FLT4: variants seen among roughly 807,000 people sequenced by gnomAD.
FLT4 encodes vascular endothelial growth factor receptor 3.
FLT4 carries 30 observed loss-of-function variants against 163.2 expected under a neutral mutation model. The ratio of observed to expected loss-of-function variants is 0.18; its 90% CI spans 0.14 to 0.25. FLT4 has a LOEUF of 0.25. FLT4 is among the 10% of genes least tolerant of loss of function. FLT4 has a pLI of 1.00. For synonymous variants in FLT4, 884 were observed against 789.5 expected (o/e 1.12, Z -2.01); for missense variants, 1,510 against 1,863.8 (o/e 0.81, Z 3.50).
Position 180,634,619 on chromosome 5 carries a change from C to T in FLT4, c.59-2841G>A, listed in dbSNP as rs528666972. 7.7e-5 allele frequency among the ~76,000 whole-genome samples: 11 copies of T among 142,976 alleles called. No individual in the cohort carries two copies. In the East Asian group the frequency reaches 1.7e-3, roughly 22 times the overall value. 93.8% of individuals were successfully genotyped at this position (142,976 alleles called of 152,430 possible). On this transcript the variant is annotated intron_variant, in intron 1 of 29. Coordinates refer to ENST00000261937, the MANE Select transcript of FLT4 (RefSeq NM_182925.5). ...CTGAGGCGGGAGAATGGCGTGAAGC[C>T]GGGAGGCGGAGCTTGCAGTGAGTGG... is the stretch of plus-strand genomic sequence containing the variant.
At position 180,621,721 on chromosome 5, in the gene FLT4, T is replaced by A; in HGVS notation, c.1841A>T (p.His614Leu). ...NPLLLDCKNV[H>L]LFATPLAASL... ...GGCGGCCAGAGGGGTGGCGAACAGA[T>A]GCACGTTCTTGCAGTCGAGCAGAAG... Residue 614 changes from histidine to leucine, a missense_variant, in exon 13 of 30, where the codon CAT becomes CTT. This residue lies in a region of FLT4 where 878 missense variants were observed against 1,016.7 expected (regional missense o/e 0.86). Transcript: ENST00000261937. 1 of 1,612,976 alleles carries A rather than the reference T, an allele frequency of 6.2e-7. No homozygotes were observed. The highest frequency in any genetic ancestry group is 8.5e-7 in the Non-Finnish European group (1 of 1,179,960).
Position 180,625,899 on chromosome 5 carries a change from G to A in FLT4, c.1391C>T (p.Thr464Ile), listed in dbSNP as rs920759638. The A allele has an allele frequency of 3.7e-6, 6 of 1,612,148 alleles. No homozygotes were observed. Among genetic ancestry groups the A allele is most frequent in the Non-Finnish European group, 5.1e-6 (6 of 1,179,960 alleles). ...LSIQWHWRPW[T>I]PCKMFAQRSL... ...ACGCTGGGCAAACATCTTGCAGGGT[G>A]TCCAGGGCCGCCAGTGCCACTGGAT... The change falls in exon 10 of 30, where the codon ACA (threonine) becomes ATA (isoleucine). Residue 464 changes from threonine to isoleucine, a missense_variant. Thr to Ile is a moderately conservative substitution (Grantham distance 89). Coordinates refer to ENST00000261937, the MANE Select transcript of FLT4 (RefSeq NM_182925.5).
At chr5:180,621,303 G>A (rs1252337796) in intron 13 of FLT4, 51 bp from the exon 14 acceptor site, 12 of 1,579,426 alleles carry the variant, frequency 7.6e-6, no homozygotes, top group Non-Finnish European at 1.0e-5. Flanking sequence ...TTAGCAGGAG[G>A]ACCCTCTTTG....
At chr5:180,608,350 C>T (rs895543415) in intron 29 of FLT4, 8 of 700,736 alleles carry the variant, frequency 1.1e-5, no homozygotes, top group Non-Finnish European at 1.8e-5. Flanking sequence ...ACTTGAACGA[C>T]TCACCCTCCT....
chr5:180,624,191 G>C (rs1297697617), intron 10 of FLT4, 130 bp from the exon 11 acceptor site: 5 of 1,044,004 alleles, frequency 4.8e-6, no homozygotes, highest in African/African-American at 4.7e-5. Context: ...GCTGGCCCTC[G>C]GGCCTGGGTG....
intron 14 of FLT4, 27 bp downstream of exon 14, chr5:180,621,079 G>GCCCTCCCT (rs770704473): frequency 1.2e-6 from 2 of 1,612,712 alleles, no homozygotes; most frequent in Non-Finnish European, 1.7e-6. Context: ...CTCCGGACCT[G>GCCCTCCCT]CCCTTCGCCA....
intron 28 of FLT4, 187 bp from the exon 29 acceptor site, chr5:180,609,240 G>T: frequency 1.6e-6 from 1 of 639,802 alleles, no homozygotes; most frequent in South Asian, 1.7e-5. Context: ...CCCTGCCACG[G>T]AGGGAGACAC....
chr5:180,642,043 C>T (rs566869757), intron 1 of FLT4, among the ~76,000 whole-genome samples: 21 of 152,178 alleles, frequency 1.4e-4, no homozygotes, highest in African/African-American at 4.3e-4. Context: ...CCCATCTCTA[C>T]TAAAAATACA....
chr5:180,626,360 A>T (rs1207693433), intron 8 of FLT4, 95 bp from the exon 9 acceptor site: 1 of 1,398,818 alleles, frequency 7.1e-7, no homozygotes, highest in Non-Finnish European at 1.0e-6. Context: ...GGGAGGAGGG[A>T]GGGGCTGGCA....
intron 8 of FLT4, among the ~76,000 whole-genome samples, chr5:180,627,573 G>C (rs1763726417): frequency 6.6e-6 from 1 of 152,246 alleles, no homozygotes; most frequent in South Asian, 2.1e-4. Context: ...CACCCAGTCA[G>C]TGCTCGCCAT....
intron 29 of FLT4, among the ~76,000 whole-genome samples, chr5:180,603,875 G>C (rs1191041544): frequency 1.3e-5 from 2 of 150,934 alleles, no homozygotes; most frequent in Non-Finnish European, 2.9e-5. Context: ...CTGCACTCCA[G>C]CCTGGGCGAC....
chr5:180,621,863 C>T lies in FLT4; in HGVS notation c.1699G>A (p.Glu567Lys), dbSNP rs1561720206. ...AGCACCGGCTGGCCCTCTAGTAGCT[C>T]CTCGGATGGCTTGGATTCGATGGTG... The part of the protein sequence containing the change: ...GFTIESKPSE[E>K]LLEGQPVLLS... Residue 567 changes from glutamate to lysine, a missense_variant, in exon 13 of 30, where the codon GAG becomes AAG. This residue lies in a region of FLT4 where 878 missense variants were observed against 1,016.7 expected (regional missense o/e 0.86). Transcript: ENST00000261937. The T allele has an allele frequency of 6.2e-7, 1 of 1,613,468 alleles. No individual in the cohort carries two copies.
At chr5:180,629,548 T>G in intron 6 of FLT4, 121 bp from the exon 7 acceptor site, 1 of 1,476,026 alleles carries the variant, frequency 6.8e-7, no homozygotes, top group Non-Finnish European at 9.3e-7. Flanking sequence ...AGGCCCTGAG[T>G]TTTCTTTGGG....
intron 24 of FLT4, 90 bp from the exon 25 acceptor site, chr5:180,613,200 C>T: frequency 1.1e-6 from 1 of 876,304 alleles, no homozygotes; most frequent in Non-Finnish European, 1.8e-6. Flanking sequence ...CCTTCCCCAT[C>T]AAGTCACCCC....
chr5:180,616,927 T>C lies in FLT4; in HGVS notation c.3069A>G (p.Arg1023=), dbSNP rs56144912. ...TTCGGGAAGCCAGGAACTCCATCCC[T>C]CTGGCCACCTGGAAGCTGTAGCAGA... ...DLVCYSFQVA[R]GMEFLASRKC... The change falls in exon 22 of 30, where the codon AGA becomes AGG. Residue 1023 remains arginine, a synonymous_variant. Coordinates refer to ENST00000261937, the MANE Select transcript of FLT4 (RefSeq NM_182925.5). 3 of 1,613,308 alleles carry C rather than the reference T, an allele frequency of 1.9e-6. No homozygotes were observed. Among genetic ancestry groups the C allele is most frequent in the Non-Finnish European group, 2.5e-6 (3 of 1,179,928 alleles).
chr5:180,606,287 C>G (rs1761778133), intron 29 of FLT4, among the ~76,000 whole-genome samples: 1 of 152,264 alleles, frequency 6.6e-6, no homozygotes, highest in Admixed American at 6.5e-5. Context: ...GGGCTGCACT[C>G]CCTTCTGGCT....
chr5:180,642,240 C>A (rs1423668781), intron 1 of FLT4, among the ~76,000 whole-genome samples: 1 of 151,426 alleles, frequency 6.6e-6, no homozygotes, highest in African/African-American at 2.4e-5. Context: ...CTGTCTCTGG[C>A]TCATGCACAC....
intron 8 of FLT4, among the ~76,000 whole-genome samples, chr5:180,628,381 C>T (rs1763804951): frequency 6.6e-6 from 1 of 152,218 alleles, no homozygotes; most frequent in Non-Finnish European, 1.5e-5. Context: ...GCGGGGACTC[C>T]AGCAGCTTGT....
chr5:180,649,518 G>T lies in FLT4; in HGVS notation c.28C>A (p.Arg10=). MQRGAALCL[R]LWLCLGLLDG... is the part of the protein sequence containing the mutation. ...AGGAGTCCCAGGCAGAGCCACAGTCGCAGGCACAGCGCGGCGCCCCGCTGC... is the reference window on the plus strand; with the variant it reads ...AGGAGTCCCAGGCAGAGCCACAGTCTCAGGCACAGCGCGGCGCCCCGCTGC... Residue 10 remains arginine (R), a synonymous_variant, in exon 1 of 30, where the codon CGA becomes AGA. Coordinates refer to ENST00000261937, the MANE Select transcript of FLT4 (RefSeq NM_182925.5). The T allele has an allele frequency of 6.9e-7, 1 of 1,451,048 alleles. No homozygotes were observed. Among genetic ancestry groups the T allele is most frequent in the Non-Finnish European group, 9.1e-7 (1 of 1,103,476 alleles). The allele number at this position is 1,451,048 out of a possible 1,614,324, so 89.9% of individuals were successfully genotyped here.
Sources: allele counts gnomAD v4.1 joint callset (sites outside exome capture counted in the v4.1 genomes callset), GRCh38; gene constraint gnomAD v4.1.1; regional missense constraint gnomAD v4.1.1; transcripts MANE v1.5; gene names NCBI Gene and HGNC (gene_info 2026-07-23, HGNC 2026-07-21).